The following FAAH variants were observed in gnomAD, a reference collection of about 807,000 sequenced individuals.
FAAH encodes the protein fatty acid amide hydrolase.
FAAH carries 63 observed loss-of-function variants against 69.7 expected under a neutral mutation model. The ratio of observed to expected loss-of-function variants is 0.90; its 90% CI spans 0.74 to 1.12. The LOEUF (loss-of-function observed/expected upper bound fraction) is 1.12, where lower values mean the gene tolerates loss of function less well. Among genes scored for constraint, FAAH ranks in the 50% most tolerant of loss-of-function variants. The pLI is 0.00. For missense variants in FAAH, 680 were observed against 755.0 expected, an observed-to-expected ratio of 0.90 and a Z score of 1.16; for synonymous variants, 305 against 324.2, an observed-to-expected ratio of 0.94 and a Z score of 0.64.
In FAAH at chr1:46,411,998, G is replaced by A. The variant is rs553148037; in HGVS notation, c.1357-145G>A. On this transcript the variant is annotated intron_variant, in intron 12 of 14. Transcript: ENST00000243167. The surrounding 1 kb of genome is among the most constrained non-coding windows in gnomAD (Gnocchi z 4.8). ...CTCTGAGAGGCAGCACTGCCTGCCC[G>A]GAGGACCTGTGTCCCACTGTGGCTC... 52 of 756,016 alleles carry A rather than the reference G, an allele frequency of 6.9e-5. No homozygotes were observed. The highest frequency in any genetic ancestry group is 3.3e-4 in the African/African-American group (19 of 57,940). The allele number at this position is 756,016 out of a possible 1,614,324, so 46.8% of individuals were successfully genotyped here. A position where few individuals can be genotyped will look rare whatever the true frequency, so the allele number is the denominator to read the frequency against.
chr1:46,409,002 C>A, intron 8 of FAAH, 99 bp from the exon 9 acceptor site: 3 of 919,760 alleles, frequency 3.3e-6, no homozygotes, highest in Non-Finnish European at 3.6e-6. Context: ...ATCTTGTGGG[C>A]AGGGTTGGTC....
chr1:46,406,430 T>G, intron 7 of FAAH, 62 bp downstream of exon 7: 1 of 1,608,926 alleles, frequency 6.2e-7, no homozygotes. Flanking sequence ...CCCCAGGCCT[T>G]GTGGGCAGGC....
chr1:46,394,689 C>T (rs1664565955), intron 1 of FAAH, 146 bp downstream of exon 1: 1 of 738,330 alleles, frequency 1.4e-6, no homozygotes, highest in South Asian at 6.0e-5. Flanking sequence ...CTAAGATATT[C>T]CGCACTTTCT....
At position 46,405,515 on chromosome 1, in the gene FAAH, T is replaced by C. The variant is rs201888151; in HGVS notation, c.578+10T>C. The C allele has an allele frequency of 1.3e-4, 32 of 237,420 alleles. No homozygotes were observed. The highest frequency in any genetic ancestry group is 2.5e-4 in the Non-Finnish European group (29 of 117,402). The allele number at this position is 237,420 out of a possible 1,614,324, so 14.7% of individuals were successfully genotyped here. ...CACAGTCCATGTTCAGGTTGGGTCTTGGGGTGGGGCGGGGCGGGGCAGGGG... is the reference window on the plus strand; with the variant it reads ...CACAGTCCATGTTCAGGTTGGGTCTCGGGGTGGGGCGGGGCGGGGCAGGGG... On this transcript the variant is annotated intron_variant, in intron 4 of 14. Transcript: ENST00000243167. This position sits in a 1 kb window ranked among gnomAD's most constrained non-coding sequence, Gnocchi z 4.1.
Position 46,404,891 on chromosome 1 carries a change from G to T in FAAH, c.310-123G>T. Reference sequence around the variant, plus strand: ...CTCTGTGCCCCAGGCTCTGGGCCATGTTGCTGGTTACCCCTCTCCCTGGGT... The same window carrying T: ...CTCTGTGCCCCAGGCTCTGGGCCATTTTGCTGGTTACCCCTCTCCCTGGGT... On this transcript the variant is annotated intron_variant, in intron 2 of 14. Transcript: ENST00000243167. The surrounding 1 kb of genome is among the most constrained non-coding windows in gnomAD (Gnocchi z 4.5). 3.0e-6 allele frequency: 4 copies of T among 1,326,198 alleles called. No individual in the cohort carries two copies. The highest frequency in any genetic ancestry group is 3.2e-6 in the Non-Finnish European group (3 of 943,782). 82.2% of individuals were successfully genotyped at this position (1,326,198 alleles called of 1,614,324 possible). A position where few individuals can be genotyped will look rare whatever the true frequency, so the allele number is the denominator to read the frequency against.
At position 46,408,495 on chromosome 1, in the gene FAAH, T is replaced by C. The variant is rs1332575082; in HGVS notation, c.988T>C (p.Tyr330His). Residue 330 changes from tyrosine (Y) to histidine (H), a missense_variant, in exon 8 of 15, where the codon TAT becomes CAT. Physicochemically the swap from Tyr to His is moderately conservative, Grantham distance 83 (BLOSUM62 2). Coordinates refer to ENST00000243167, the MANE Select transcript of FAAH (RefSeq NM_001441.3). ...TSSQPLRVGYYETDNYTMPSP... is the reference protein window; with the variant it reads ...TSSQPLRVGYHETDNYTMPSP... ...CTCTCAGCCCCTGCGTGTGGGGTAC[T>C]ATGAGACTGACAACTATACCATGCC... The C allele has an allele frequency of 1.2e-6, 2 of 1,614,176 alleles. No individual in the cohort carries two copies. The highest frequency in any genetic ancestry group is 1.1e-5 in the South Asian group (1 of 91,088).
chr1:46,412,246 C>A lies in FAAH; in HGVS notation c.1460C>A (p.Ala487Asp). ...PALDLNAPGR[A>D]TGAVSYTMLY... ...CTGGACTTGAATGCCCCAGGCAGGG[C>A]CACAGGTGAGGCCCGACACCCTGCC... The change falls in exon 13 of 15, where the codon GCC becomes GAC. Residue 487 changes from alanine (A) to aspartate (D), a missense_variant. Physicochemically the swap from Ala to Asp is moderately radical, Grantham distance 126. Transcript: ENST00000243167. 1 of 1,551,826 alleles carries A rather than the reference C, an allele frequency of 6.4e-7. No individual in the cohort carries two copies. Among genetic ancestry groups the A allele is most frequent in the Admixed American group, 2.0e-5 (1 of 51,110 alleles).
At chr1:46,395,472 T>C (rs539814936) in intron 1 of FAAH, among the ~76,000 whole-genome samples, 1 of 152,250 alleles carries the variant, frequency 6.6e-6, no homozygotes, top group South Asian at 2.1e-4. Context: ...AGTATGTGGG[T>C]TTGGAGGCGT....
rs201246828 is a variant in FAAH at position 46,405,411 on chromosome 1, G to T, written c.484G>T (p.Val162Leu). The T allele has an allele frequency of 2.8e-5, 45 of 1,612,874 alleles. No homozygotes were observed. The highest frequency in any genetic ancestry group is 3.6e-5 in the Non-Finnish European group (42 of 1,180,026). The part of the protein sequence containing the change: ...STLGLSLNEG[V>L]PAECDSVVVH... ...GCTGGGCTTGAGCCTGAATGAAGGG[G>T]TGCCGGCGGAGTGCGACAGCGTAGT... Residue 162 changes from valine (V) to leucine (L), a missense_variant, in exon 4 of 15, where the codon GTG (valine) becomes TTG (leucine). Val to Leu is a conservative substitution (Grantham distance 32). Coordinates refer to ENST00000243167, the MANE Select transcript of FAAH (RefSeq NM_001441.3). This position sits in a 1 kb window ranked among gnomAD's most constrained non-coding sequence, Gnocchi z 4.1.
At chr1:46,412,616 T>G (rs1040045543) in intron 13 of FAAH, among the ~76,000 whole-genome samples, 2 of 151,750 alleles carry the variant, frequency 1.3e-5, no homozygotes, top group African/African-American at 4.8e-5. Context: ...TCAAGAGCAG[T>G]CCAGGCAACA....
At chr1:46,397,586 G>C (rs1664618638) in intron 1 of FAAH, among the ~76,000 whole-genome samples, 1 of 152,174 alleles carries the variant, frequency 6.6e-6, no homozygotes, top group African/African-American at 2.4e-5. Context: ...TTTTGAGACG[G>C]AGTCTTGCTC....
Position 46,410,411 on chromosome 1 carries a change from G to A in FAAH, c.1189G>A (p.Val397Met), listed in dbSNP as rs201240944. ...TFLQNFKGDFVDPCLGDLVSI... is the reference protein window; with the variant it reads ...TFLQNFKGDFMDPCLGDLVSI... ...TTTGTTTCCCAGCAAAGGTGATTTC[G>A]TGGACCCCTGCCTGGGGGACCTGGT... The change falls in exon 10 of 15, where the codon GTG becomes ATG. Residue 397 changes from valine to methionine, a missense_variant. Coordinates refer to ENST00000243167, the MANE Select transcript of FAAH (RefSeq NM_001441.3). This position sits in a 1 kb window ranked among gnomAD's most constrained non-coding sequence, Gnocchi z 4.9. The A allele has an allele frequency of 5.6e-6, 9 of 1,613,980 alleles. No individual in the cohort carries two copies. Among genetic ancestry groups the A allele is most frequent in the South Asian group, 1.1e-5 (1 of 91,088 alleles).
intron 13 of FAAH, among the ~76,000 whole-genome samples, chr1:46,412,669 G>C (rs763101615): frequency 6.6e-6 from 1 of 151,884 alleles, no homozygotes; most frequent in Admixed American, 6.6e-5. Context: ...AAATTAGCTG[G>C]GTGTGGTTGC....
chr1:46,410,344 A>G lies in FAAH; in HGVS notation c.1176-54A>G. On this transcript the variant is annotated intron_variant, in intron 9 of 14. Coordinates refer to ENST00000243167, the MANE Select transcript of FAAH (RefSeq NM_001441.3). This position sits in a 1 kb window ranked among gnomAD's most constrained non-coding sequence, Gnocchi z 4.9. ...GGGATTGCTGTGGGCCGGGCGAGCA[A>G]GCTGGGAAGGATGTGGGGATGGGAG... The G allele has an allele frequency of 1.4e-6, 2 of 1,465,844 alleles. No homozygotes were observed. The highest frequency in any genetic ancestry group is 1.9e-6 in the Non-Finnish European group (2 of 1,044,980). 90.8% of individuals were successfully genotyped at this position (1,465,844 alleles called of 1,614,324 possible). A position where few individuals can be genotyped will look rare whatever the true frequency, so the allele number is the denominator to read the frequency against.
In FAAH at chr1:46,405,598, A is replaced by C. The variant is rs1441450677; in HGVS notation, c.589A>C (p.Ser197Arg). The part of the protein sequence containing the change: ...VPQSMFSYDC[S>R]NPLFGQTVNP... ...TCTTGGCTCCTCCAGCTATGACTGCAGTAACCCCCTCTTTGGCCAGACCGT... is the reference window on the plus strand; with the variant it reads ...TCTTGGCTCCTCCAGCTATGACTGCCGTAACCCCCTCTTTGGCCAGACCGT... Residue 197 changes from serine (S) to arginine (R), a missense_variant, in exon 5 of 15, where the codon AGT becomes CGT. Ser to Arg is a moderately radical substitution (Grantham distance 110). Transcript: ENST00000243167. This position sits in a 1 kb window ranked among gnomAD's most constrained non-coding sequence, Gnocchi z 4.1. The C allele has an allele frequency of 6.2e-7, 1 of 1,613,396 alleles. No homozygotes were observed. Among genetic ancestry groups the C allele is most frequent in the East Asian group, 2.2e-5 (1 of 44,896 alleles).
Position 46,411,592 on chromosome 1 carries a change from A to C in FAAH, c.1317-20A>C. ...GTGGCTGTGACCATCATGGCTGGTG[A>C]CCACACTCCTTCTGCCCAGTTCGGC... is the stretch of plus-strand genomic sequence containing the variant. On this transcript the variant is annotated intron_variant, in intron 11 of 14. Coordinates refer to ENST00000243167, the MANE Select transcript of FAAH (RefSeq NM_001441.3). This position sits in a 1 kb window ranked among gnomAD's most constrained non-coding sequence, Gnocchi z 4.8. The C allele has an allele frequency of 6.2e-7, 1 of 1,613,028 alleles. No individual in the cohort carries two copies. Among genetic ancestry groups the C allele is most frequent in the South Asian group, 1.1e-5 (1 of 90,994 alleles).
intron 8 of FAAH, 75 bp downstream of exon 8, chr1:46,408,659 C>T: frequency 3.1e-6 from 5 of 1,604,888 alleles, no homozygotes; most frequent in Non-Finnish European, 4.3e-6. Flanking sequence ...CATGGCTACT[C>T]CATCCCTGGC....
chr1:46,413,394 G>A, intron 14 of FAAH, 53 bp from the exon 15 acceptor site: 1 of 1,613,490 alleles, frequency 6.2e-7, no homozygotes, highest in South Asian at 1.1e-5. Flanking sequence ...CTGGGCCTGG[G>A]GGTGGGGAGT....
chr1:46,397,374 C>A (rs990865766), intron 1 of FAAH, among the ~76,000 whole-genome samples: 1 of 152,190 alleles, frequency 6.6e-6, no homozygotes, highest in African/African-American at 2.4e-5. Context: ...ATTATTTTTA[C>A]GAACAGATTA....
Sources: gnomAD v4.1 joint callset for allele counts (sites outside exome capture counted in the v4.1 genomes callset) on GRCh38, gnomAD v4.1.1 for gene constraint, Gnocchi (gnomAD v3.1) non-coding constraint, MANE v1.5 for transcripts, NCBI Gene and HGNC (gene_info 2026-07-23, HGNC 2026-07-21) for gene names.